The following GALNT18 variants were observed in gnomAD, a reference collection of about 807,000 sequenced individuals.
The protein encoded by GALNT18 is GalNAc-transferase 18.
In GALNT18, 44 loss-of-function variants were observed where a neutral mutation model predicts 69.5. That is an observed-to-expected ratio of 0.63 (90% confidence interval 0.50 to 0.81). The LOEUF (loss-of-function observed/expected upper bound fraction) is 0.81, where lower values mean the gene tolerates loss of function less well. Among genes scored for constraint, GALNT18 ranks in the 40% least tolerant of loss-of-function variants. The pLI, the probability that GALNT18 is intolerant of heterozygous loss-of-function variation, is 0.00. For synonymous variants in GALNT18, 364 were observed against 318.2 expected, an observed-to-expected ratio of 1.14 and a Z score of -1.53; for missense variants, 715 against 810.0, an observed-to-expected ratio of 0.88 and a Z score of 1.42.
chr11:11,427,207 G>A (rs1016443584), intron 3 of GALNT18, among the ~76,000 whole-genome samples: 1 of 152,246 alleles, frequency 6.6e-6, no homozygotes, highest in African/African-American at 2.4e-5. Context: ...TAAGGAGACA[G>A]AGAACAGGGA....
intron 9 of GALNT18, among the ~76,000 whole-genome samples, chr11:11,295,254 A>C (rs1164278228): frequency 6.6e-6 from 1 of 152,126 alleles, no homozygotes; most frequent in Non-Finnish European, 1.5e-5. Context: ...TCAATGCTTC[A>C]ACAGGAAAGA....
Position 11,432,562 on chromosome 11 carries a change from A to T in GALNT18, c.595+59T>A. 1 of 1,518,110 alleles carries T rather than the reference A, an allele frequency of 6.6e-7. No homozygotes were observed. The highest frequency in any genetic ancestry group is 9.0e-7 in the Non-Finnish European group (1 of 1,115,782). 94.0% of individuals were successfully genotyped at this position (1,518,110 alleles called of 1,614,324 possible). On this transcript the variant is annotated intron_variant, in intron 3 of 10. Transcript: ENST00000227756. This position sits in a 1 kb window ranked among gnomAD's most constrained non-coding sequence, Gnocchi z 5.8. ...CAAATGTGAACCACGACGCTGAACCATCAGCTTAGATGTCAGCCAGGAAGT... is the reference window on the plus strand; with the variant it reads ...CAAATGTGAACCACGACGCTGAACCTTCAGCTTAGATGTCAGCCAGGAAGT...
chr11:11,278,394 TAGG>T (rs1848993884), intron 10 of GALNT18, among the ~76,000 whole-genome samples: 1 of 151,694 alleles, frequency 6.6e-6, no homozygotes, highest in East Asian at 2.0e-4. Flanking sequence ...GGGATAGCGT[TAGG>T]AGAAATACCT....
At chr11:11,330,210 G>A (rs1331282303) in intron 8 of GALNT18, among the ~76,000 whole-genome samples, 2 of 152,260 alleles carry the variant, frequency 1.3e-5, no homozygotes, top group South Asian at 4.2e-4. Flanking sequence ...ATACTGGCTC[G>A]ACTCAGAGTC....
intron 3 of GALNT18, among the ~76,000 whole-genome samples, chr11:11,408,880 T>G (rs1239363225): frequency 2.0e-5 from 3 of 152,104 alleles, no homozygotes; most frequent in Non-Finnish European, 2.9e-5. Flanking sequence ...TTTGGGTCAG[T>G]GAAAAACTAC....
intron 1 of GALNT18, among the ~76,000 whole-genome samples, chr11:11,560,196 G>GGTGGAACAGAA (rs1565012900): frequency 8.5e-4 from 103 of 120,476 alleles, no homozygotes; most frequent in East Asian, 1.1e-3. Flanking sequence ...GATGGGATGG[G>GGTGGAACAGAA]TGAGATAGAA....
chr11:11,325,533 T>G lies in GALNT18; in HGVS notation c.1512+1553A>C, dbSNP rs141165694. On this transcript the variant is annotated intron_variant, in intron 9 of 10. Coordinates refer to ENST00000227756, the MANE Select transcript of GALNT18 (RefSeq NM_198516.3). Reference sequence around the variant, plus strand: ...AAACCATTGAAATAAAAATAAAAATTAAAAAAATATAATTATGAAAGAAGT... The same window carrying G: ...AAACCATTGAAATAAAAATAAAAATGAAAAAAATATAATTATGAAAGAAGT... Among the ~76,000 whole-genome samples, 935 of 152,006 alleles carry G rather than the reference T, an allele frequency of 6.2e-3. 3 individuals carry two copies. The highest frequency in any genetic ancestry group is 0.021 in the African/African-American group (881 of 41,448).
chr11:11,282,768 T>TA (rs1187205430), intron 10 of GALNT18, among the ~76,000 whole-genome samples: 2 of 152,142 alleles, frequency 1.3e-5, no homozygotes, highest in African/African-American at 4.8e-5. Context: ...AACACATATT[T>TA]AATGAGCACC....
chr11:11,290,166 C>A, intron 10 of GALNT18, among the ~76,000 whole-genome samples: 1 of 152,172 alleles, frequency 6.6e-6, no homozygotes, highest in African/African-American at 2.4e-5. Flanking sequence ...CCCACACCAC[C>A]AAAGCTGAGT....
At chr11:11,535,687 T>G (rs766082708) in intron 1 of GALNT18, among the ~76,000 whole-genome samples, 56 of 152,150 alleles carry the variant, frequency 3.7e-4, no homozygotes, top group Non-Finnish European at 1.3e-4. Flanking sequence ...CCACAGCCAA[T>G]CCCTGCTAGG....
intron 9 of GALNT18, among the ~76,000 whole-genome samples, chr11:11,295,325 G>A (rs888170493): frequency 1.3e-5 from 2 of 152,198 alleles, no homozygotes; most frequent in African/African-American, 4.8e-5. Flanking sequence ...CATTTTCAAA[G>A]GTGTGGGTAG....
At position 11,274,583 on chromosome 11, in the gene GALNT18, G is replaced by C. The variant is rs948043429; in HGVS notation, c.1678-3293C>G. On this transcript the variant is annotated intron_variant, in intron 10 of 10. Transcript: ENST00000227756. The stretch of plus-strand genomic sequence containing the variant: ...TTTATTATTGTACTTTAAGTTCTGA[G>C]GTACATGTGCAGAATGTGCAGTTTT... Among the ~76,000 whole-genome samples, 4 of 152,148 alleles carry C rather than the reference G, an allele frequency of 2.6e-5. No individual in the cohort carries two copies. The South Asian group carries it at 8.3e-4, about 32-fold the overall frequency.
At chr11:11,417,611 C>T (rs1254973459) in intron 3 of GALNT18, among the ~76,000 whole-genome samples, 2 of 152,222 alleles carry the variant, frequency 1.3e-5, no homozygotes, top group African/African-American at 4.8e-5. Context: ...ACAGTGCTGG[C>T]TGCCCCTCTC....
At chr11:11,472,153 T>C (rs1856287758) in intron 1 of GALNT18, among the ~76,000 whole-genome samples, 1 of 152,218 alleles carries the variant, frequency 6.6e-6, no homozygotes, top group Non-Finnish European at 1.5e-5. Context: ...CCAATTCCCA[T>C]GACAGGACAG....
intron 10 of GALNT18, among the ~76,000 whole-genome samples, chr11:11,285,044 T>G (rs1308350352): frequency 6.6e-6 from 1 of 150,938 alleles, no homozygotes; most frequent in Non-Finnish European, 1.5e-5. Flanking sequence ...GAACATCAAG[T>G]GCAAAGCACA....
chr11:11,273,589 T>C (rs1352717284), intron 10 of GALNT18, among the ~76,000 whole-genome samples: 1 of 152,202 alleles, frequency 6.6e-6, no homozygotes, highest in Non-Finnish European at 1.5e-5. Context: ...TGTACATTGT[T>C]GGTGGGAATG....
At position 11,584,815 on chromosome 11, in the gene GALNT18, C is replaced by T. The variant is rs1650160637; in HGVS notation, c.235+36544G>A. Among the ~76,000 whole-genome samples, 1 of 152,164 alleles carries T rather than the reference C, an allele frequency of 6.6e-6. No individual in the cohort carries two copies. The highest frequency in any genetic ancestry group is 1.5e-5 in the Non-Finnish European group (1 of 68,034). On this transcript the variant is annotated intron_variant, in intron 1 of 10. Transcript: ENST00000227756. The surrounding 1 kb of genome is among the most constrained non-coding windows in gnomAD (Gnocchi z 4.1). ...TTCACTTAAAAGAACAACTGATGAACAAATCATAATTATTCATACTTGGGA... is the reference window on the plus strand; with the variant it reads ...TTCACTTAAAAGAACAACTGATGAATAAATCATAATTATTCATACTTGGGA...
At position 11,556,219 on chromosome 11, in the gene GALNT18, A is replaced by G. The variant is rs141980490; in HGVS notation, c.235+65140T>C. Among the ~76,000 whole-genome samples the G allele has an allele frequency of 2.0e-5, 3 of 152,368 alleles. No homozygotes were observed. In the East Asian group the frequency reaches 5.8e-4, roughly 29 times the overall value. ...ACATAAGGAGCGAAGGTCAAACTCTATCGCTTGATTAAGGAGTCAGCCATC... is the reference window on the plus strand; with the variant it reads ...ACATAAGGAGCGAAGGTCAAACTCTGTCGCTTGATTAAGGAGTCAGCCATC... On this transcript the variant is annotated intron_variant, in intron 1 of 10. Transcript: ENST00000227756.
intron 1 of GALNT18, among the ~76,000 whole-genome samples, chr11:11,572,221 G>A (rs1271941475): frequency 6.6e-6 from 1 of 152,228 alleles, no homozygotes; most frequent in East Asian, 1.9e-4. Flanking sequence ...TGGGATCCTT[G>A]ACCACGTAAC....
Sources: gnomAD v4.1 joint callset for allele counts (sites outside exome capture counted in the v4.1 genomes callset) on GRCh38, gnomAD v4.1.1 for gene constraint, Gnocchi (gnomAD v3.1) non-coding constraint, MANE v1.5 for transcripts, NCBI Gene and HGNC (gene_info 2026-07-23, HGNC 2026-07-21) for gene names.